Variants in MIPOL1 observed in about 807,000 individuals in gnomAD.
MIPOL1 encodes the protein mirror-image polydactyly gene 1 protein.
MIPOL1 carries 57 observed loss-of-function variants against 60.9 expected under a neutral mutation model. That is an observed-to-expected ratio of 0.94 (90% CI 0.76 to 1.17). The LOEUF (loss-of-function observed/expected upper bound fraction) is 1.17. Among genes scored for constraint, MIPOL1 ranks in the 50% most tolerant of loss-of-function variants. MIPOL1 has a pLI of 0.00. For synonymous variants in MIPOL1, 179 were observed against 168.8 expected (o/e 1.06, Z -0.47); for missense variants, 551 against 511.6 (o/e 1.08, Z -0.74).
At chr14:37,416,962 G>A (rs1566563683) in intron 10 of MIPOL1, among the ~76,000 whole-genome samples, 1 of 152,052 alleles carries the variant, frequency 6.6e-6, no homozygotes. Context: ...CATTTACTAT[G>A]TCCCAGGCAC....
chr14:37,382,556 C>T (rs1030978254), intron 10 of MIPOL1, among the ~76,000 whole-genome samples: 4 of 151,890 alleles, frequency 2.6e-5, no homozygotes, highest in African/African-American at 9.7e-5. Context: ...TGAGTATTGA[C>T]GTTTAGACAT....
intron 11 of MIPOL1, among the ~76,000 whole-genome samples, chr14:37,459,518 T>C (rs1289343761): frequency 6.6e-6 from 1 of 151,962 alleles, no homozygotes; most frequent in Non-Finnish European, 1.5e-5. Flanking sequence ...ATTGAAACAG[T>C]AATGAAAATT....
At chr14:37,243,328 A>C (rs1488391168) in intron 1 of MIPOL1, among the ~76,000 whole-genome samples, 2 of 152,180 alleles carry the variant, frequency 1.3e-5, no homozygotes, top group East Asian at 1.9e-4. Flanking sequence ...TCTTTTGGGA[A>C]GAGAACGTGT....
intron 12 of MIPOL1, among the ~76,000 whole-genome samples, chr14:37,540,429 G>A (rs1202695166): frequency 6.6e-6 from 1 of 152,110 alleles, no homozygotes; most frequent in Non-Finnish European, 1.5e-5. Flanking sequence ...TCATAAATAT[G>A]TCTGCATATG....
intron 12 of MIPOL1, among the ~76,000 whole-genome samples, chr14:37,538,360 G>T (rs1302973028): frequency 6.6e-6 from 1 of 152,152 alleles, no homozygotes; most frequent in Non-Finnish European, 1.5e-5. Context: ...AAAATTGCCT[G>T]TAAGAGCTTT....
chr14:37,256,326 A>G (rs948827269), intron 3 of MIPOL1, among the ~76,000 whole-genome samples: 3 of 151,934 alleles, frequency 2.0e-5, no homozygotes, highest in Non-Finnish European at 2.9e-5. Context: ...GACAGAACAA[A>G]TATGTAGTCC....
intron 11 of MIPOL1, among the ~76,000 whole-genome samples, chr14:37,486,394 A>AATG (rs2094946815): frequency 6.6e-6 from 1 of 150,730 alleles, no homozygotes; most frequent in Non-Finnish European, 1.5e-5. Context: ...GCTTGATAGG[A>AATG]GCATTGAATC....
chr14:37,522,763 G>A (rs1218600197), intron 12 of MIPOL1, among the ~76,000 whole-genome samples: 1 of 152,062 alleles, frequency 6.6e-6, no homozygotes, highest in African/African-American at 2.4e-5. Context: ...TAAATTGTTT[G>A]TACTATTGCT....
intron 6 of MIPOL1, chr14:37,276,987 A>G (rs2083708812): frequency 1.3e-5 from 2 of 151,168 alleles, no homozygotes; most frequent in Non-Finnish European, 3.0e-5. Flanking sequence ...ACTTGAGGAA[A>G]GAATATAACC....
At chr14:37,307,966 A>T in intron 7 of MIPOL1, 90 bp from the exon 8 acceptor site, 1 of 1,031,400 alleles carries the variant, frequency 9.7e-7, no homozygotes, top group Non-Finnish European at 1.5e-6. Context: ...GAATGAAATT[A>T]CTTGAGGTTC....
intron 10 of MIPOL1, among the ~76,000 whole-genome samples, chr14:37,408,167 C>G (rs894442450): frequency 3.3e-5 from 5 of 152,026 alleles, no homozygotes; most frequent in Admixed American, 3.3e-4. Flanking sequence ...CCACCACACT[C>G]AACTCTCCTA....
chr14:37,457,891 A>G (rs1566639902), intron 11 of MIPOL1, among the ~76,000 whole-genome samples: 1 of 152,002 alleles, frequency 6.6e-6, no homozygotes, highest in Non-Finnish European at 1.5e-5. Context: ...CCTGCAAGAA[A>G]CCCACCTCAT....
intron 11 of MIPOL1, among the ~76,000 whole-genome samples, chr14:37,485,917 C>G (rs1430697818): frequency 6.6e-6 from 1 of 152,086 alleles, no homozygotes; most frequent in Non-Finnish European, 1.5e-5. Flanking sequence ...ATGCCTGTGT[C>G]CTGAATGATA....
At chr14:37,512,514 T>G (rs1165232933) in intron 12 of MIPOL1, among the ~76,000 whole-genome samples, 1 of 151,730 alleles carries the variant, frequency 6.6e-6, no homozygotes, top group Admixed American at 6.6e-5. Context: ...CATCAATACA[T>G]TTTACTAGAT....
chr14:37,393,812 A>G (rs2093308776), intron 10 of MIPOL1, among the ~76,000 whole-genome samples: 1 of 151,118 alleles, frequency 6.6e-6, no homozygotes, highest in Non-Finnish European at 1.5e-5. Context: ...AGCAATATAC[A>G]CTGCACCCTG....
chr14:37,523,220 AT>A (rs1267671048), intron 12 of MIPOL1, among the ~76,000 whole-genome samples: 1 of 152,114 alleles, frequency 6.6e-6, no homozygotes, highest in Non-Finnish European at 1.5e-5. Flanking sequence ...CTGCCTAATT[AT>A]TTAATGAGTC....
At chr14:37,369,100 AT>A (rs1243557320) in intron 9 of MIPOL1, among the ~76,000 whole-genome samples, 2 of 151,846 alleles carry the variant, frequency 1.3e-5, no homozygotes, top group Non-Finnish European at 2.9e-5. Flanking sequence ...TATAATTTTT[AT>A]TTTTAAATAT....
At chr14:37,490,511 C>G (rs2095032599) in intron 11 of MIPOL1, among the ~76,000 whole-genome samples, 1 of 152,148 alleles carries the variant, frequency 6.6e-6, no homozygotes, top group Admixed American at 6.5e-5. Flanking sequence ...AAAAAAACTC[C>G]TGCAGCTAGC....
intron 1 of MIPOL1, among the ~76,000 whole-genome samples, chr14:37,218,137 T>C (rs1309430302): frequency 6.6e-6 from 1 of 152,028 alleles, no homozygotes; most frequent in Non-Finnish European, 1.5e-5. Flanking sequence ...TTTTTAGTTA[T>C]TGTGGTAAGA....
Sources: gnomAD v4.1 joint callset for allele counts (sites outside exome capture counted in the v4.1 genomes callset) on GRCh38, gnomAD v4.1.1 for gene constraint, MANE v1.5 for transcripts, NCBI Gene and HGNC (gene_info 2026-07-23, HGNC 2026-07-21) for gene names.